The following CA13 variants were observed in gnomAD, a reference collection of about 807,000 sequenced individuals.
CA13 encodes the protein carbonic anhydrase 13, also known as CA-XIII.
In CA13, 21 loss-of-function variants were observed where a neutral mutation model predicts 31.5. That is an observed-to-expected ratio of 0.67 (90% CI 0.47 to 0.96). The LOEUF (loss-of-function observed/expected upper bound fraction) is 0.96. Ranked by LOEUF, CA13 falls within the 40% of genes least tolerant of loss-of-function variation. The probability of loss-of-function intolerance (pLI) is 0.00; values close to 1 mark genes in which losing one functional copy is unlikely to be tolerated. For synonymous variants in CA13, 117 were observed against 111.4 expected, an observed-to-expected ratio of 1.05 and a Z score of -0.32; for missense variants, 315 against 318.9, an observed-to-expected ratio of 0.99 and a Z score of 0.09.
intron 1 of CA13, chr8:85,246,226 C>A (rs1813727443): frequency 8.5e-6 from 4 of 472,140 alleles, no homozygotes; most frequent in Non-Finnish European, 8.1e-6. Context: ...TGACACACTT[C>A]AGTGAAATAA....
intron 4 of CA13, 48 bp downstream of exon 4, chr8:85,266,751 A>G: frequency 1.4e-6 from 2 of 1,420,534 alleles, no homozygotes; most frequent in Non-Finnish European, 2.0e-6. Context: ...TGTTGAAGAA[A>G]GAGCTTCAGT....
At position 85,245,706 on chromosome 8, in the gene CA13, C is replaced by T; in HGVS notation, c.-123C>T. On this transcript the variant is annotated 5_prime_UTR_variant, in exon 1 of 7. Transcript: ENST00000321764. ...GCGCCCCGGACCGGGTTCACGGTCT[C>T]GCACTCCTGCCGCCGGCGCCCCGCG... is the stretch of plus-strand genomic sequence containing the variant. 8.9e-7 allele frequency: 1 copy of T among 1,128,920 alleles called. No individual in the cohort carries two copies. Among genetic ancestry groups the T allele is most frequent in the Non-Finnish European group, 1.3e-6 (1 of 756,184 alleles). 69.9% of individuals were successfully genotyped at this position (1,128,920 alleles called of 1,614,324 possible). A position where few individuals can be genotyped will look rare whatever the true frequency, so the allele number is the denominator to read the frequency against.
intron 1 of CA13, chr8:85,249,823 C>T (rs768124744): frequency 9.3e-5 from 42 of 451,292 alleles, no homozygotes; most frequent in Non-Finnish European, 1.5e-4. Context: ...ATGGAACTTA[C>T]GTGAAACTAC....
At chr8:85,264,613 G>GTT (rs1010034576) in intron 3 of CA13, among the ~76,000 whole-genome samples, 1 of 152,088 alleles carries the variant, frequency 6.6e-6, no homozygotes, top group African/African-American at 2.4e-5. Flanking sequence ...CAGAAGGATG[G>GTT]TTATATATAG....
chr8:85,258,759 CAAAAAA>C (rs33933991), intron 2 of CA13, among the ~76,000 whole-genome samples: 3 of 43,478 alleles, frequency 6.9e-5, no homozygotes, highest in African/African-American at 2.0e-4. Flanking sequence ...CCTGTCTCTA[CAAAAAA>C]AAAAAAAAAA....
rs114899218 is a variant in CA13, at chr8:85,268,759, G to A, written c.669+132G>A. 145 of 750,520 alleles carry A rather than the reference G, an allele frequency of 1.9e-4. 1 individual carries two copies. Among genetic ancestry groups the A allele is most frequent in the African/African-American group, 5.1e-4 (28 of 55,422 alleles). The allele number at this position is 750,520 out of a possible 1,614,324, so 46.5% of individuals were successfully genotyped here. A position where few individuals can be genotyped will look rare whatever the true frequency, so the allele number is the denominator to read the frequency against. ...TTTCTCTTTATTCATCAGACGGGTC[G>A]TTGGGCTAGATGAGACCTATGTCCC... On this transcript the variant is annotated intron_variant, in intron 6 of 6. Transcript: ENST00000321764.
chr8:85,279,513 G>C (rs1297532603), intron 6 of CA13, among the ~76,000 whole-genome samples: 3 of 152,212 alleles, frequency 2.0e-5, no homozygotes, highest in Non-Finnish European at 4.4e-5. Flanking sequence ...ACACAGGCTG[G>C]TCGGAGAAAG....
At chr8:85,276,122 G>A (rs542935714) in intron 6 of CA13, among the ~76,000 whole-genome samples, 5 of 152,316 alleles carry the variant, frequency 3.3e-5, no homozygotes, top group African/African-American at 7.2e-5. Context: ...CACGAGTTCC[G>A]GGTGGGCGTG....
intron 5 of CA13, 24 bp from the exon 6 acceptor site, chr8:85,268,448 T>G: frequency 6.2e-7 from 1 of 1,613,180 alleles, no homozygotes; most frequent in Admixed American, 1.7e-5. Context: ...TTGTAATTTG[T>G]GGGAATTCTT....
chr8:85,245,545 T>C lies in CA13; in HGVS notation c.-284T>C, dbSNP rs1813707300. 2.2e-6 allele frequency: 1 copy of C among 453,970 alleles called. No individual in the cohort carries two copies. The highest frequency in any genetic ancestry group is 4.3e-5 in the East Asian group (1 of 23,470). 28.1% of individuals were successfully genotyped at this position (453,970 alleles called of 1,614,324 possible). A position where few individuals can be genotyped will look rare whatever the true frequency, so the allele number is the denominator to read the frequency against. On this transcript the variant is annotated 5_prime_UTR_variant, in exon 1 of 7. Coordinates refer to ENST00000321764, the MANE Select transcript of CA13 (RefSeq NM_198584.3). ...GCAGGAGATCCCCCCCGGAAACCTTTCTCTCTCCGTCTCTCCCTCTAACTC... is the reference window on the plus strand; with the variant it reads ...GCAGGAGATCCCCCCCGGAAACCTTCCTCTCTCCGTCTCTCCCTCTAACTC...
intron 1 of CA13, 35 bp downstream of exon 1, chr8:85,245,900 T>C (rs1430436399): frequency 1.2e-6 from 2 of 1,613,634 alleles, no homozygotes; most frequent in South Asian, 2.2e-5. Flanking sequence ...GGGGGGTTTG[T>C]GCGGGGGACG....
intron 3 of CA13, among the ~76,000 whole-genome samples, chr8:85,261,290 C>T (rs529653307): frequency 2.1e-4 from 32 of 152,050 alleles, no homozygotes; most frequent in Non-Finnish European, 3.5e-4. Flanking sequence ...CACATGGAGA[C>T]CTTGGAGACT....
chr8:85,247,894 T>TG (rs199892272), intron 1 of CA13, among the ~76,000 whole-genome samples: 11 of 118,816 alleles, frequency 9.3e-5, no homozygotes, highest in South Asian at 2.7e-4. Flanking sequence ...TTTTTGTTTT[T>TG]TTTTTTTTTT....
At chr8:85,278,996 C>CTTATTTTA (rs1271208910) in intron 6 of CA13, among the ~76,000 whole-genome samples, 3 of 152,094 alleles carry the variant, frequency 2.0e-5, no homozygotes, top group African/African-American at 7.2e-5. Context: ...CATAACAGAA[C>CTTATTTTA]TTATTTTTAT....
intron 2 of CA13, among the ~76,000 whole-genome samples, chr8:85,251,615 T>C (rs1381444768): frequency 1.5e-5 from 1 of 65,164 alleles, no homozygotes; most frequent in Admixed American, 1.1e-4. Context: ...TTTGCAAACC[T>C]ATAATGCCAT....
chr8:85,276,316 G>A (rs916687343), intron 6 of CA13, among the ~76,000 whole-genome samples: 1 of 152,146 alleles, frequency 6.6e-6, no homozygotes, highest in Non-Finnish European at 1.5e-5. Flanking sequence ...CCCAACCTCC[G>A]TGGGCTCCTG....
intron 1 of CA13, among the ~76,000 whole-genome samples, chr8:85,250,035 T>C (rs1007969305): frequency 6.6e-6 from 1 of 152,184 alleles, no homozygotes; most frequent in Non-Finnish European, 1.5e-5. Flanking sequence ...AATGTAACAT[T>C]GGCAAAATAA....
At chr8:85,254,772 G>GTTTTTTTTTTTTTTTTTTTTGTTTTT (rs10658651) in intron 2 of CA13, among the ~76,000 whole-genome samples, 1 of 122,652 alleles carries the variant, frequency 8.2e-6, no homozygotes, top group Non-Finnish European at 1.7e-5. Flanking sequence ...AGTTAAACAA[G>GTTTTTTTTTTTTTTTTTTTTGTTTTT]TTTTTTTTTT....
At chr8:85,275,268 C>T (rs1807585796) in intron 6 of CA13, among the ~76,000 whole-genome samples, 1 of 152,160 alleles carries the variant, frequency 6.6e-6, no homozygotes, top group Non-Finnish European at 1.5e-5. Flanking sequence ...GGGCTTTCAC[C>T]TAGGCATGAT....
Sources: gnomAD v4.1 joint callset for allele counts (sites outside exome capture counted in the v4.1 genomes callset) on GRCh38, gnomAD v4.1.1 for gene constraint, MANE v1.5 for transcripts, NCBI Gene and HGNC (gene_info 2026-07-23, HGNC 2026-07-21) for gene names.